Variants in MYCT1 observed in about 807,000 individuals in gnomAD.
MYCT1 encodes the protein MYC target 1.
In MYCT1, 12 loss-of-function variants were observed where a neutral mutation model predicts 15.0. The observed-to-expected ratio is 0.80, with a 90% CI of 0.51 to 1.29. MYCT1 has a LOEUF of 1.29. MYCT1 is among the 50% of genes most tolerant of loss of function. MYCT1 has a pLI of 0.00. For synonymous variants in MYCT1, 104 were observed against 102.7 expected, an observed-to-expected ratio of 1.01 and a Z score of -0.07; for missense variants, 287 against 279.1, an observed-to-expected ratio of 1.03 and a Z score of -0.20.
the MYCT1 span, among the ~76,000 whole-genome samples, chr6:152,740,853 A>G: frequency 6.6e-6 from 1 of 152,178 alleles, no homozygotes; most frequent in East Asian, 1.9e-4. Context: ...CATTCTTAAT[A>G]AGAATAATTG....
At chr6:152,735,773 TTAAG>T in the MYCT1 span, among the ~76,000 whole-genome samples, 4 of 152,164 alleles carry the variant, frequency 2.6e-5, no homozygotes, top group African/African-American at 4.8e-5. Flanking sequence ...AATTTCAGAA[TTAAG>T]TATTTAATTA....
At chr6:152,716,619 G>A (rs2099723732) in intron 1 of MYCT1, among the ~76,000 whole-genome samples, 2 of 152,084 alleles carry the variant, frequency 1.3e-5, no homozygotes, top group South Asian at 4.1e-4. Flanking sequence ...ACACGAACGT[G>A]GCTGTTATTA....
rs1188138646 is a variant in MYCT1, at chr6:152,722,577, CTT to C, written c.*325_*326del. ...ATATATATTTTAATTAAAATTAAAA[CTT>C]CAGATATTTGTGGATTACAATCCTC... On this transcript the variant is annotated 3_prime_UTR_variant, in exon 2 of 2. Coordinates refer to ENST00000367245, the MANE Select transcript of MYCT1 (RefSeq NM_025107.3). 751 of 226,174 alleles carry C rather than the reference CTT, an allele frequency of 3.3e-3. 12 individuals are homozygous for C. Among genetic ancestry groups the C allele is most frequent in the Non-Finnish European group, 5.1e-4 (57 of 112,738 alleles). 14.0% of individuals were successfully genotyped at this position (226,174 alleles called of 1,614,324 possible).
At chr6:152,720,508 A>C (rs2099724505) in intron 1 of MYCT1, among the ~76,000 whole-genome samples, 3 of 152,144 alleles carry the variant, frequency 2.0e-5, no homozygotes. Flanking sequence ...CTACATAAGC[A>C]ATTAGATATG....
intron 1 of MYCT1, among the ~76,000 whole-genome samples, chr6:152,714,479 T>C (rs1401066880): frequency 6.6e-6 from 1 of 151,454 alleles, no homozygotes; most frequent in East Asian, 1.9e-4. Flanking sequence ...AAGCTATAAA[T>C]GTTCTTATGA....
chr6:152,730,874 A>G, the MYCT1 span, among the ~76,000 whole-genome samples: 4 of 152,228 alleles, frequency 2.6e-5, no homozygotes, highest in Non-Finnish European at 5.9e-5. Flanking sequence ...ATATGTGTCT[A>G]AGCATATTAT....
At chr6:152,704,961 C>T (rs1271961437) in intron 1 of MYCT1, among the ~76,000 whole-genome samples, 1 of 152,148 alleles carries the variant, frequency 6.6e-6, no homozygotes, top group Non-Finnish European at 1.5e-5. Flanking sequence ...CTCCAAGCTC[C>T]TGCGCAACTG....
At chr6:152,698,273 T>G (rs1340890562) in intron 1 of MYCT1, among the ~76,000 whole-genome samples, 175 bp downstream of exon 1, 2 of 151,452 alleles carry the variant, frequency 1.3e-5, no homozygotes, top group African/African-American at 2.4e-5. Flanking sequence ...CAGAAATATA[T>G]TTATAGATAT....
chr6:152,729,204 G>A (rs933112380), downstream of MYCT1, among the ~76,000 whole-genome samples: 2 of 152,132 alleles, frequency 1.3e-5, no homozygotes, highest in Non-Finnish European at 2.9e-5. Context: ...AAAGCTATAA[G>A]TATTGACTCA....
Position 152,705,836 on chromosome 6 carries a change from G to T in MYCT1, c.196+7738G>T. ...AAAGAACACTCAAAATTCCAGCAATGACCATTGCTAAGAATGCAAGTGTTG... is the reference window on the plus strand; with the variant it reads ...AAAGAACACTCAAAATTCCAGCAATTACCATTGCTAAGAATGCAAGTGTTG... On this transcript the variant is annotated intron_variant, in intron 1 of 1. Transcript: ENST00000367245. 5 of 710,050 alleles carry T rather than the reference G, an allele frequency of 7.0e-6. No homozygotes were observed. In the South Asian group the frequency reaches 8.9e-5, roughly 13 times the overall value. The allele number at this position is 710,050 out of a possible 1,614,324, so 44.0% of individuals were successfully genotyped here.
the MYCT1 span, among the ~76,000 whole-genome samples, chr6:152,737,641 C>T: frequency 1.4e-3 from 211 of 152,222 alleles, no homozygotes; most frequent in Non-Finnish European, 2.3e-3. Flanking sequence ...AAGGCATCAT[C>T]TATTTCATTC....
the MYCT1 span, among the ~76,000 whole-genome samples, chr6:152,732,239 G>C: frequency 6.6e-6 from 1 of 152,102 alleles, no homozygotes; most frequent in Non-Finnish European, 1.5e-5. Flanking sequence ...TTCTGACAAA[G>C]AAAAGTAACA....
At chr6:152,727,890 G>A (rs1330410969), downstream of MYCT1, among the ~76,000 whole-genome samples, 6 of 152,278 alleles carry the variant, frequency 3.9e-5, no homozygotes, top group East Asian at 1.9e-4. Context: ...CAGGCCGGGT[G>A]TGGTGGCTCA....
At chr6:152,712,922 A>G (rs1326075479) in intron 1 of MYCT1, among the ~76,000 whole-genome samples, 1 of 151,248 alleles carries the variant, frequency 6.6e-6, no homozygotes, top group African/African-American at 2.4e-5. Context: ...TGTTACTGAG[A>G]CTCTTGATTT....
intron 1 of MYCT1, among the ~76,000 whole-genome samples, chr6:152,718,282 A>G (rs989017078): frequency 4.6e-5 from 7 of 152,196 alleles, no homozygotes; most frequent in African/African-American, 1.7e-4. Context: ...GAGTTTGGAT[A>G]TTATCCTAGT....
chr6:152,717,016 T>C (rs1405416438), intron 1 of MYCT1, among the ~76,000 whole-genome samples: 1 of 152,102 alleles, frequency 6.6e-6, no homozygotes, highest in Non-Finnish European at 1.5e-5. Flanking sequence ...TACACTAGGT[T>C]TTAAAAAAGG....
chr6:152,721,744 G>A lies in MYCT1; in HGVS notation c.199G>A (p.Asp67Asn). Reference protein sequence around the residue: ...GSPWPENFWEDLIMSFTVSMA... With the variant: ...GSPWPENFWENLIMSFTVSMA... ...GCAATTTGTTTTCTTTGTTTCAGAGGACCTTATCATGTCCTTCACTGTATC... is the reference window on the plus strand; with the variant it reads ...GCAATTTGTTTTCTTTGTTTCAGAGAACCTTATCATGTCCTTCACTGTATC... The change falls in exon 2 of 2, where the codon GAC (aspartate) becomes AAC (asparagine). Residue 67 changes from aspartate to asparagine, a missense_variant and splice_region_variant. Coordinates refer to ENST00000367245, the MANE Select transcript of MYCT1 (RefSeq NM_025107.3). The A allele has an allele frequency of 6.2e-7, 1 of 1,603,178 alleles. No homozygotes were observed. The highest frequency in any genetic ancestry group is 8.5e-7 in the Non-Finnish European group (1 of 1,174,926).
intron 1 of MYCT1, among the ~76,000 whole-genome samples, chr6:152,699,462 G>A (rs931839124): frequency 6.6e-6 from 1 of 152,074 alleles, no homozygotes; most frequent in South Asian, 2.1e-4. Context: ...GTAAAGAAAG[G>A]CTTTGGTAAT....
chr6:152,744,946 G>A, the MYCT1 span, among the ~76,000 whole-genome samples: 1 of 152,170 alleles, frequency 6.6e-6, no homozygotes, highest in Non-Finnish European at 1.5e-5. Context: ...AACAGGTTTA[G>A]CTTTAGGGCC....
Sources: gnomAD v4.1 joint callset for allele counts (sites outside exome capture counted in the v4.1 genomes callset) on GRCh38, gnomAD v4.1.1 for gene constraint, MANE v1.5 for transcripts, NCBI Gene and HGNC (gene_info 2026-07-23, HGNC 2026-07-21) for gene names.